Variants in WASF3 observed in about 807,000 individuals in gnomAD.
WASF3 encodes the protein actin-binding protein WASF3.
WASF3 carries 11 observed loss-of-function variants against 46.6 expected under a neutral mutation model. The ratio of observed to expected loss-of-function variants is 0.24; its 90% confidence interval spans 0.15 to 0.39. The LOEUF (loss-of-function observed/expected upper bound fraction) is 0.39, where lower values mean the gene tolerates loss of function less well. Ranked by LOEUF, WASF3 falls within the 10% of genes least tolerant of loss-of-function variation. The pLI, the probability that WASF3 is intolerant of heterozygous loss-of-function variation, is 1.00. For missense variants in WASF3, 576 were observed against 669.8 expected, an observed-to-expected ratio of 0.86 and a Z score of 1.55; for synonymous variants, 242 against 259.7, an observed-to-expected ratio of 0.93 and a Z score of 0.65.
At chr13:26,658,171 TATTA>T (rs1882522161) in intron 3 of WASF3, among the ~76,000 whole-genome samples, 4 of 152,192 alleles carry the variant, frequency 2.6e-5, no homozygotes, top group Non-Finnish European at 4.4e-5. Context: ...ATGCTGTCCC[TATTA>T]ATTAGTTTTC....
chr13:26,557,146 A>G (rs773262155), upstream of WASF3, among the ~76,000 whole-genome samples: 3 of 152,136 alleles, frequency 2.0e-5, no homozygotes, highest in Non-Finnish European at 2.9e-5. Flanking sequence ...GGTGATAAAA[A>G]CAGAAGAATC....
At chr13:26,558,909 G>C (rs1477728983) in intron 1 of WASF3, among the ~76,000 whole-genome samples, 1 of 152,122 alleles carries the variant, frequency 6.6e-6, no homozygotes, top group African/African-American at 2.4e-5. Flanking sequence ...TAAAAATTAG[G>C]TTTATCTAAA....
chr13:26,655,018 A>G (rs919485101), intron 3 of WASF3, among the ~76,000 whole-genome samples: 1 of 152,220 alleles, frequency 6.6e-6, no homozygotes, highest in Non-Finnish European at 1.5e-5. Flanking sequence ...GACTTTAAAA[A>G]GACCAAAAAC....
At chr13:26,558,020 C>G (rs1184907191) in intron 1 of WASF3, among the ~76,000 whole-genome samples, 1 of 151,398 alleles carries the variant, frequency 6.6e-6, no homozygotes, top group African/African-American at 2.4e-5. Flanking sequence ...CGGCCGCATT[C>G]TCCCGGCCGG....
At chr13:26,589,922 C>G (rs753875777) in intron 1 of WASF3, among the ~76,000 whole-genome samples, 1 of 151,886 alleles carries the variant, frequency 6.6e-6, no homozygotes, top group Non-Finnish European at 1.5e-5. Context: ...GCTGGACTTA[C>G]GCCAGGGCAG....
At chr13:26,610,783 C>A (rs935774283) in intron 1 of WASF3, among the ~76,000 whole-genome samples, 1 of 152,128 alleles carries the variant, frequency 6.6e-6, no homozygotes, top group African/African-American at 2.4e-5. Context: ...CCTGTTCTGG[C>A]CAGTATTGCA....
intron 1 of WASF3, among the ~76,000 whole-genome samples, chr13:26,591,511 C>T (rs926993936): frequency 2.0e-5 from 3 of 151,892 alleles, no homozygotes; most frequent in African/African-American, 7.3e-5. Context: ...TTAAGGATGC[C>T]CAGGGTTTTT....
At chr13:26,675,475 CACACAT>C (rs1285726446) in intron 6 of WASF3, among the ~76,000 whole-genome samples, 10 of 49,058 alleles carry the variant, frequency 2.0e-4, no homozygotes, top group African/African-American at 3.4e-4. Flanking sequence ...CCAGACTAGA[CACACAT>C]ACACACACAC....
In WASF3 at chr13:26,686,797, G is replaced by C. The variant is rs1444380559; in HGVS notation, c.*952G>C. The C allele has an allele frequency of 6.6e-6, 1 of 152,278 alleles. No individual in the cohort carries two copies. The highest frequency in any genetic ancestry group is 1.5e-5 in the Non-Finnish European group (1 of 68,070). The allele number at this position is 152,278 out of a possible 1,614,324, so 9.4% of individuals were successfully genotyped here. On this transcript the variant is annotated 3_prime_UTR_variant, in exon 10 of 10. Coordinates refer to ENST00000335327, the MANE Select transcript of WASF3 (RefSeq NM_006646.6). The stretch of plus-strand genomic sequence containing the variant: ...CCTGAGTGAGCCGCAGGAGTTCTTA[G>C]CTCCTCAGCGAGCAACAGAGAGCAC...
rs1381692781 is a variant in WASF3 at position 26,685,877 on chromosome 13, G to A, written c.*32G>A. ...GCCGGCGGAGAGGCCGCGTGTGGGA[G>A]CGTGTTGAAGATTTTAAGTGGTCTC... On this transcript the variant is annotated 3_prime_UTR_variant, in exon 10 of 10. Coordinates refer to ENST00000335327, the MANE Select transcript of WASF3 (RefSeq NM_006646.6). 2.5e-6 allele frequency: 4 copies of A among 1,600,434 alleles called. No homozygotes were observed. Among genetic ancestry groups the A allele is most frequent in the Non-Finnish European group, 3.4e-6 (4 of 1,168,724 alleles).
At chr13:26,604,921 TA>T (rs1880748565) in intron 1 of WASF3, among the ~76,000 whole-genome samples, 2 of 152,184 alleles carry the variant, frequency 1.3e-5, no homozygotes, top group South Asian at 4.1e-4. Context: ...AGGGGAGTTT[TA>T]AAACTTCTGG....
intron 6 of WASF3, among the ~76,000 whole-genome samples, chr13:26,674,742 G>A (rs1276836936): frequency 6.6e-6 from 1 of 152,184 alleles, no homozygotes; most frequent in African/African-American, 2.4e-5. Context: ...CTACTTAGGT[G>A]CAGATAATTC....
At chr13:26,614,286 T>A (rs1881068259) in intron 2 of WASF3, among the ~76,000 whole-genome samples, 3 of 152,176 alleles carry the variant, frequency 2.0e-5, no homozygotes, top group Admixed American at 2.0e-4. Flanking sequence ...ATACTTTCAC[T>A]TTACAGGTAA....
At chr13:26,553,245 T>A (rs1255530693), upstream of WASF3, among the ~76,000 whole-genome samples, 1 of 152,140 alleles carries the variant, frequency 6.6e-6, no homozygotes, top group Non-Finnish European at 1.5e-5. Context: ...TGTCACCAGT[T>A]TCCCTGCTGC....
At chr13:26,541,730 G>A in the WASF3 span, among the ~76,000 whole-genome samples, 1 of 151,844 alleles carries the variant, frequency 6.6e-6, no homozygotes, top group South Asian at 2.1e-4. Flanking sequence ...TGATCCTCCC[G>A]CGTTGGCCTC....
intron 1 of WASF3, among the ~76,000 whole-genome samples, chr13:26,563,068 G>T (rs1487590196): frequency 1.3e-5 from 2 of 151,090 alleles, no homozygotes; most frequent in African/African-American, 4.9e-5. Flanking sequence ...CTTTTCCTAG[G>T]TGCCATTGTG....
intron 3 of WASF3, among the ~76,000 whole-genome samples, chr13:26,657,781 C>T (rs1210611612): frequency 6.6e-6 from 1 of 152,206 alleles, no homozygotes; most frequent in African/African-American, 2.4e-5. Flanking sequence ...CTTTTCAAAT[C>T]ATTTGCTGTT....
chr13:26,632,014 G>A (rs1756473), intron 2 of WASF3, among the ~76,000 whole-genome samples: 128,366 of 152,200 alleles, frequency 0.84, 54,162 homozygotes, highest in East Asian at 0.9. Context: ...ATTTTTGCAC[G>A]TTGATTTTGT....
chr13:26,677,297 G>A (rs936942364), intron 7 of WASF3, among the ~76,000 whole-genome samples: 3 of 152,176 alleles, frequency 2.0e-5, no homozygotes, highest in South Asian at 2.1e-4. Flanking sequence ...TCTTGCAGGC[G>A]TGAATGATGT....
Sources: gnomAD v4.1 joint callset for allele counts (sites outside exome capture counted in the v4.1 genomes callset) on GRCh38, gnomAD v4.1.1 for gene constraint, MANE v1.5 for transcripts, NCBI Gene and HGNC (gene_info 2026-07-23, HGNC 2026-07-21) for gene names.